TRPM6: variants seen among roughly 807,000 people sequenced by gnomAD.
TRPM6 encodes transient receptor potential cation channel subfamily M member 6.
In TRPM6, 111 loss-of-function variants were observed where a neutral mutation model predicts 247.6. The observed-to-expected ratio is 0.45, with a 90% CI of 0.38 to 0.52. The LOEUF is 0.52. TRPM6 is among the 20% of genes least tolerant of loss of function. The probability of loss-of-function intolerance (pLI) is 0.00; values close to 1 mark genes in which losing one functional copy is unlikely to be tolerated. For synonymous variants in TRPM6, 892 were observed against 853.8 expected (o/e 1.04, Z -0.78); for missense variants, 2,126 against 2,421.5 (o/e 0.88, Z 2.56).
chr9:74,737,298 G>A (rs1825725972), intron 36 of TRPM6: 2 of 1,138,732 alleles, frequency 1.8e-6, no homozygotes, highest in Non-Finnish European at 2.3e-6. Context: ...TTAAAAATTT[G>A]TGTCACATCC....
At chr9:74,812,565 A>AC in intron 11 of TRPM6, 132 bp from the exon 12 acceptor site, 4 of 840,634 alleles carry the variant, frequency 4.8e-6, no homozygotes, top group Non-Finnish European at 5.5e-6. Context: ...CAGTGGGTAC[A>AC]GAAAAAAAAA....
intron 36 of TRPM6, among the ~76,000 whole-genome samples, chr9:74,736,875 T>A (rs1825714076): frequency 6.6e-6 from 1 of 152,182 alleles, no homozygotes; most frequent in Admixed American, 6.5e-5. Flanking sequence ...AACATAAACA[T>A]CATTAAACAA....
At chr9:74,887,607 C>T (rs1294947299) in intron 1 of TRPM6, 1 of 1,535,868 alleles carries the variant, frequency 6.5e-7, no homozygotes, top group Non-Finnish European at 8.7e-7. Context: ...GCTGCGGGAC[C>T]TGCCCTGTAG....
intron 1 of TRPM6, among the ~76,000 whole-genome samples, chr9:74,873,456 A>G (rs906922621): frequency 6.6e-6 from 1 of 152,230 alleles, no homozygotes; most frequent in African/African-American, 2.4e-5. Context: ...GGCAGCACAT[A>G]TACTAAAATT....
At chr9:74,737,539 A>G (rs1278029084) in intron 36 of TRPM6, 1 of 693,368 alleles carries the variant, frequency 1.4e-6, no homozygotes, top group Non-Finnish European at 2.2e-6. Context: ...AAACTCTTAA[A>G]AGAAATAAAA....
At chr9:74,798,605 A>G (rs1292802443) in intron 17 of TRPM6, among the ~76,000 whole-genome samples, 1 of 152,158 alleles carries the variant, frequency 6.6e-6, no homozygotes, top group East Asian at 1.9e-4. Context: ...CATTACAATG[A>G]GTTTTCCCAT....
At chr9:74,872,600 T>TTGTGTGTGTGTG (rs59577843) in intron 1 of TRPM6, among the ~76,000 whole-genome samples, 7,128 of 150,150 alleles carry the variant, frequency 0.047, 258 homozygotes, top group African/African-American at 0.097. Context: ...CCAGCAAATT[T>TTGTGTGTGTGTG]TGTGTGTGTG....
chr9:74,786,536 C>A (rs550280342), intron 20 of TRPM6, among the ~76,000 whole-genome samples: 1 of 151,438 alleles, frequency 6.6e-6, no homozygotes, highest in Non-Finnish European at 1.5e-5. Context: ...GTCAGGAGAT[C>A]GAGATCATCC....
In TRPM6 at chr9:74,885,368, C is replaced by A. The variant is rs1831500189; in HGVS notation, c.33+2456G>T. On this transcript the variant is annotated intron_variant, in intron 1 of 38. Coordinates refer to ENST00000360774, the MANE Select transcript of TRPM6 (RefSeq NM_017662.5). ...TGCATGATGACTAAACCTCAAAAACCAAGAAGGAGCAATTATAAGGAATAT... is the reference window on the plus strand; with the variant it reads ...TGCATGATGACTAAACCTCAAAAACAAAGAAGGAGCAATTATAAGGAATAT... Among the ~76,000 whole-genome samples, 3 of 152,158 alleles carry A rather than the reference C, an allele frequency of 2.0e-5. No homozygotes were observed. The South Asian group carries it at 6.2e-4, about 32-fold the overall frequency.
At chr9:74,877,353 T>C (rs1831225367) in intron 1 of TRPM6, among the ~76,000 whole-genome samples, 1 of 152,076 alleles carries the variant, frequency 6.6e-6, no homozygotes, top group African/African-American at 2.4e-5. Flanking sequence ...ACAAATAATA[T>C]ACAATGCAGC....
At chr9:74,853,056 C>T (rs1830399424) in intron 3 of TRPM6, among the ~76,000 whole-genome samples, 1 of 150,550 alleles carries the variant, frequency 6.6e-6, no homozygotes, top group African/African-American at 2.4e-5. Context: ...AGCGCCTCTG[C>T]CCCGCCGCCC....
Position 74,724,544 on chromosome 9 carries a change from A to C in TRPM6, c.*69T>G. ...CGCTGATGTAATCAACATCACGTTGATCAATCTATGTTATCACAGAGTTCC... is the reference window on the plus strand; with the variant it reads ...CGCTGATGTAATCAACATCACGTTGCTCAATCTATGTTATCACAGAGTTCC... On this transcript the variant is annotated 3_prime_UTR_variant, in exon 39 of 39. Transcript: ENST00000360774. 7 of 1,610,514 alleles carry C rather than the reference A, an allele frequency of 4.3e-6. No individual in the cohort carries two copies. The highest frequency in any genetic ancestry group is 5.1e-6 in the Non-Finnish European group (6 of 1,177,512).
intron 5 of TRPM6, among the ~76,000 whole-genome samples, chr9:74,836,134 C>G (rs749481816): frequency 2.0e-5 from 3 of 152,150 alleles, no homozygotes; most frequent in South Asian, 2.1e-4. Context: ...TCCCTCTCCC[C>G]CCTCAGCTCC....
chr9:74,733,222 T>TA (rs569374554), intron 36 of TRPM6, among the ~76,000 whole-genome samples: 11 of 149,078 alleles, frequency 7.4e-5, no homozygotes, highest in South Asian at 2.1e-4. Context: ...AAAAAGCACG[T>TA]AAAAAAAATC....
chr9:74,751,889 C>G (rs1826261689), intron 29 of TRPM6, among the ~76,000 whole-genome samples: 1 of 152,176 alleles, frequency 6.6e-6, no homozygotes. Context: ...AAATCTGTCT[C>G]CCAGTAGCTT....
intron 27 of TRPM6, among the ~76,000 whole-genome samples, chr9:74,756,293 C>G (rs1563999224): frequency 1.3e-5 from 2 of 148,926 alleles, no homozygotes; most frequent in South Asian, 4.2e-4. Flanking sequence ...TTCTGCTTCT[C>G]ATTCTAAAAA....
At chr9:74,741,899 AAT>A (rs1384395831) in intron 33 of TRPM6, among the ~76,000 whole-genome samples, 1 of 152,026 alleles carries the variant, frequency 6.6e-6, no homozygotes, top group Non-Finnish European at 1.5e-5. Flanking sequence ...TCAAAAAAAA[AAT>A]AAAAATAAAA....
intron 38 of TRPM6, among the ~76,000 whole-genome samples, chr9:74,725,073 C>T (rs938076981): frequency 2.6e-5 from 4 of 152,104 alleles, no homozygotes; most frequent in African/African-American, 9.7e-5. Flanking sequence ...CATTTTACTA[C>T]TGAATGACAG....
At chr9:74,769,301 A>G in intron 25 of TRPM6, among the ~76,000 whole-genome samples, 1 of 151,544 alleles carries the variant, frequency 6.6e-6, no homozygotes, top group East Asian at 2.0e-4. Context: ...ATGTGCCACC[A>G]CTCCCAGCTA....
Sources: gnomAD v4.1 joint callset for allele counts (sites outside exome capture counted in the v4.1 genomes callset) on GRCh38, gnomAD v4.1.1 for gene constraint, MANE v1.5 for transcripts, NCBI Gene and HGNC (gene_info 2026-07-23, HGNC 2026-07-21) for gene names.